Variants in WNT3 observed in about 807,000 individuals in gnomAD.
The protein encoded by WNT3 is Wnt family member 3, also known as proto-oncogene Wnt-3.
In WNT3, 7 loss-of-function variants were observed where a neutral mutation model predicts 34.2. The ratio of observed to expected loss-of-function variants is 0.20; its 90% CI spans 0.12 to 0.38. The LOEUF (loss-of-function observed/expected upper bound fraction) is 0.38, where lower values mean the gene tolerates loss of function less well. WNT3 is among the 10% of genes least tolerant of loss of function. The pLI, the probability that WNT3 is intolerant of heterozygous loss-of-function variation, is 1.00. For synonymous variants in WNT3, 212 were observed against 211.5 expected (o/e 1.00, Z -0.02); for missense variants, 267 against 499.8 (o/e 0.53, Z 4.44).
At chr17:46,816,123 A>ACGCACG (rs1555689272) in intron 1 of WNT3, among the ~76,000 whole-genome samples, 4 of 147,962 alleles carry the variant, frequency 2.7e-5, no homozygotes, top group African/African-American at 7.5e-5. Context: ...ACACACACAC[A>ACGCACG]CACACACTCA....
chr17:46,795,749 C>T (rs1479994960), intron 1 of WNT3, among the ~76,000 whole-genome samples: 3 of 152,188 alleles, frequency 2.0e-5, no homozygotes, highest in African/African-American at 2.4e-5. Flanking sequence ...CAGCCCCACC[C>T]GGGGATCTCT....
intron 1 of WNT3, among the ~76,000 whole-genome samples, chr17:46,810,131 C>T (rs912526445): frequency 4.6e-5 from 7 of 151,628 alleles, no homozygotes; most frequent in Admixed American, 1.3e-4. Context: ...CTCAGCCTTC[C>T]GAGTAGCTGG....
chr17:46,773,162 C>A (rs185691911), intron 2 of WNT3, among the ~76,000 whole-genome samples: 2 of 152,260 alleles, frequency 1.3e-5, no homozygotes, highest in African/African-American at 4.8e-5. Flanking sequence ...CACCCTCTAG[C>A]CCCACCATGA....
chr17:46,795,246 C>T (rs1254233327), intron 1 of WNT3, among the ~76,000 whole-genome samples: 1 of 152,206 alleles, frequency 6.6e-6, no homozygotes, highest in Non-Finnish European at 1.5e-5. Flanking sequence ...AACCTCCTAC[C>T]CCACACCAGC....
At chr17:46,785,055 G>A (rs922432382) in intron 1 of WNT3, among the ~76,000 whole-genome samples, 7 of 152,112 alleles carry the variant, frequency 4.6e-5, no homozygotes, top group Non-Finnish European at 8.8e-5. Context: ...GGGATTACAG[G>A]CGTGAGCCAC....
intron 1 of WNT3, among the ~76,000 whole-genome samples, chr17:46,797,201 G>A (rs1239542637): frequency 6.6e-6 from 1 of 152,164 alleles, no homozygotes; most frequent in East Asian, 1.9e-4. Flanking sequence ...TTTGACTCCA[G>A]AAGCCTTTCT....
At position 46,779,103 on chromosome 17, in the gene WNT3, A is replaced by ACACACACACCCCC. The variant is rs749719578; in HGVS notation, c.81-5195_81-5194insGGGGGTGTGTGTG. ...CACACACACACACACACACACACAC[A>ACACACACACCCCC]CCCCAGCCCACTCGGCCTTCCAAAG... On this transcript the variant is annotated intron_variant, in intron 1 of 4. Transcript: ENST00000225512. Among the ~76,000 whole-genome samples, 12 of 133,664 alleles carry ACACACACACCCCC rather than the reference A, an allele frequency of 9.0e-5. 1 individual carries two copies. Among genetic ancestry groups the ACACACACACCCCC allele is most frequent in the Admixed American group, 7.8e-4 (10 of 12,834 alleles). The allele number at this position is 133,664 out of a possible 152,430, so 87.7% of individuals were successfully genotyped here.
At chr17:46,772,670 A>G (rs1820278746) in intron 2 of WNT3, among the ~76,000 whole-genome samples, 1 of 152,240 alleles carries the variant, frequency 6.6e-6, no homozygotes, top group Non-Finnish European at 1.5e-5. Context: ...TCCCATGACA[A>G]TAGCCAGCAC....
intron 1 of WNT3, among the ~76,000 whole-genome samples, chr17:46,816,213 G>A (rs1034287269): frequency 2.0e-5 from 3 of 149,960 alleles, no homozygotes; most frequent in African/African-American, 7.4e-5. Context: ...GCAGACACAG[G>A]CTCTGACCTT....
At position 46,773,708 on chromosome 17, in the gene WNT3, T is replaced by C; in HGVS notation, c.282A>G (p.Ile94Met). 1 of 1,446,424 alleles carries C rather than the reference T, an allele frequency of 6.9e-7. No individual in the cohort carries two copies. The highest frequency in any genetic ancestry group is 9.3e-7 in the Non-Finnish European group (1 of 1,076,632). 89.6% of individuals were successfully genotyped at this position (1,446,424 alleles called of 1,614,324 possible). ...GCCCAAAGATGGCCAGGCTGTCATC[T>C]ATGGTGGTGCAGTTCCAGCGGCGGC... ...FRGRRWNCTTIDDSLAIFGPV... is the reference protein window; with the variant it reads ...FRGRRWNCTTMDDSLAIFGPV... Residue 94 changes from isoleucine (I) to methionine (M), a missense_variant, in exon 2 of 5, where the codon ATA becomes ATG. Ile to Met is a conservative substitution (Grantham distance 10). Coordinates refer to ENST00000225512, the MANE Select transcript of WNT3 (RefSeq NM_030753.5).
At chr17:46,767,359 CTGTCAGGATA>C (rs2059322623) in intron 4 of WNT3, among the ~76,000 whole-genome samples, 3 of 152,218 alleles carry the variant, frequency 2.0e-5, no homozygotes, top group Non-Finnish European at 1.5e-5. Flanking sequence ...AGCTTCAGAT[CTGTCAGGATA>C]TGGGCTTATA....
At chr17:46,817,154 A>G (rs1399643822) in intron 1 of WNT3, among the ~76,000 whole-genome samples, 1 of 152,180 alleles carries the variant, frequency 6.6e-6, no homozygotes, top group African/African-American at 2.4e-5. Flanking sequence ...ACACCCAGAC[A>G]CAAATGCTGC....
intron 1 of WNT3, among the ~76,000 whole-genome samples, chr17:46,809,228 G>T (rs1055194053): frequency 2.6e-5 from 4 of 152,196 alleles, no homozygotes; most frequent in African/African-American, 9.7e-5. Flanking sequence ...CAGAGCAGGG[G>T]AGTGGCACCC....
chr17:46,771,072 G>T (rs199524), intron 2 of WNT3, among the ~76,000 whole-genome samples: 95,530 of 152,138 alleles, frequency 0.63, 32,545 homozygotes, highest in South Asian at 0.82. Context: ...CCTGGGCTGT[G>T]GGCCGAGTGC....
intron 1 of WNT3, among the ~76,000 whole-genome samples, chr17:46,783,608 C>A (rs1015846673): frequency 2.0e-5 from 3 of 152,184 alleles, no homozygotes; most frequent in Admixed American, 6.5e-5. Context: ...TAACTTTCAG[C>A]CCCAGTAACC....
intron 4 of WNT3, among the ~76,000 whole-genome samples, chr17:46,765,597 C>T (rs759795332): frequency 1.2e-4 from 19 of 152,262 alleles, no homozygotes; most frequent in Non-Finnish European, 2.2e-4. Flanking sequence ...GAACAGCTAA[C>T]GACTCTGTCC....
At chr17:46,769,727 G>A (rs941735288) in intron 3 of WNT3, 56 bp downstream of exon 3, 7 of 1,597,816 alleles carry the variant, frequency 4.4e-6, no homozygotes, top group Admixed American at 1.7e-5. Context: ...GGGCAGCTCC[G>A]GAGGGGAAGC....
intron 1 of WNT3, among the ~76,000 whole-genome samples, chr17:46,783,052 G>A (rs2059475123): frequency 6.6e-6 from 1 of 152,086 alleles, no homozygotes; most frequent in Admixed American, 6.5e-5. Flanking sequence ...GCCATTAGGG[G>A]CTAGTTCATT....
At chr17:46,806,508 T>G (rs1360926805) in intron 1 of WNT3, among the ~76,000 whole-genome samples, 1 of 152,116 alleles carries the variant, frequency 6.6e-6, no homozygotes, top group Non-Finnish European at 1.5e-5. Context: ...CGCGCCCAGC[T>G]GAGCCTCAGT....
Sources: gnomAD v4.1 joint callset for allele counts (sites outside exome capture counted in the v4.1 genomes callset) on GRCh38, gnomAD v4.1.1 for gene constraint, MANE v1.5 for transcripts, NCBI Gene and HGNC (gene_info 2026-07-23, HGNC 2026-07-21) for gene names.